SIPA1L1: variants seen among roughly 807,000 people sequenced by gnomAD.
The protein encoded by SIPA1L1 is signal-induced proliferation-associated 1-like protein 1.
In SIPA1L1, 26 loss-of-function variants were observed where a neutral mutation model predicts 162.7. The ratio of observed to expected loss-of-function variants is 0.16; its 90% CI spans 0.12 to 0.22. SIPA1L1 has a LOEUF of 0.22. Ranked by LOEUF, SIPA1L1 falls within the 10% of genes least tolerant of loss-of-function variation. The probability of loss-of-function intolerance (pLI) is 1.00; values close to 1 mark genes in which losing one functional copy is unlikely to be tolerated. For missense variants in SIPA1L1, 1,874 were observed against 2,241.0 expected (o/e 0.84, Z 3.31); for synonymous variants, 829 against 837.4 (o/e 0.99, Z 0.17).
At chr14:71,409,167 C>A (rs1285787681) in intron 2 of SIPA1L1, among the ~76,000 whole-genome samples, 1 of 152,128 alleles carries the variant, frequency 6.6e-6, no homozygotes, top group Non-Finnish European at 1.5e-5. Flanking sequence ...CCCATTTGGG[C>A]TCTGTAAAAA....
rs966454725 is a variant in SIPA1L1, at chr14:71,704,992, A to G, written c.3647-230A>G. On this transcript the variant is annotated intron_variant, in intron 15 of 23. Transcript: ENST00000381232. ...GCCTTTGGTTTGGTGGTACTTGGCTATGCTAATGTGTATGACGTGACAAGT... is the reference window on the plus strand; with the variant it reads ...GCCTTTGGTTTGGTGGTACTTGGCTGTGCTAATGTGTATGACGTGACAAGT... 1.3e-5 allele frequency: 8 copies of G among 616,544 alleles called. No homozygotes were observed. In the African/African-American group the frequency reaches 1.5e-4, roughly 11 times the overall value. 38.2% of individuals were successfully genotyped at this position (616,544 alleles called of 1,614,324 possible). A position where few individuals can be genotyped will look rare whatever the true frequency, so the allele number is the denominator to read the frequency against.
intron 5 of SIPA1L1, among the ~76,000 whole-genome samples, chr14:71,604,596 C>G (rs1216787710): frequency 6.6e-6 from 1 of 152,164 alleles, no homozygotes; most frequent in African/African-American, 2.4e-5. Flanking sequence ...TCAGCTTTTG[C>G]TTGTCTTGGA....
At chr14:71,402,798 A>G (rs577506692) in intron 2 of SIPA1L1, among the ~76,000 whole-genome samples, 1 of 152,196 alleles carries the variant, frequency 6.6e-6, no homozygotes, top group Non-Finnish European at 1.5e-5. Context: ...TATAAGGGAA[A>G]TTACTTAATT....
chr14:71,481,478 A>G (rs1369835765), intron 2 of SIPA1L1, among the ~76,000 whole-genome samples: 3 of 152,118 alleles, frequency 2.0e-5, no homozygotes, highest in African/African-American at 7.2e-5. Flanking sequence ...TGATAGCCAG[A>G]CCTTCTGTAA....
intron 4 of SIPA1L1, among the ~76,000 whole-genome samples, chr14:71,585,069 C>T (rs1596277902): frequency 6.7e-6 from 1 of 149,144 alleles, no homozygotes; most frequent in Non-Finnish European, 1.5e-5. Context: ...ATGTATATTT[C>T]CATATATGCT....
intron 4 of SIPA1L1, among the ~76,000 whole-genome samples, chr14:71,542,988 C>A (rs2054616794): frequency 6.6e-6 from 1 of 151,686 alleles, no homozygotes; most frequent in Non-Finnish European, 1.5e-5. Flanking sequence ...TTTACCAGTC[C>A]CTCTCTTCTC....
At chr14:71,447,538 A>T (rs1198251177) in intron 2 of SIPA1L1, among the ~76,000 whole-genome samples, 1 of 148,004 alleles carries the variant, frequency 6.8e-6, no homozygotes, top group African/African-American at 2.5e-5. Context: ...ACTTAATCTG[A>T]TTTTTTAAAA....
chr14:71,680,079 A>G (rs940065332), intron 12 of SIPA1L1, among the ~76,000 whole-genome samples: 6 of 152,252 alleles, frequency 3.9e-5, no homozygotes, highest in African/African-American at 1.4e-4. Flanking sequence ...GTGGGACCTA[A>G]TAGACATCTA....
At chr14:71,575,541 A>G (rs1343737791) in intron 4 of SIPA1L1, among the ~76,000 whole-genome samples, 4 of 152,184 alleles carry the variant, frequency 2.6e-5, no homozygotes, top group Non-Finnish European at 5.9e-5. Flanking sequence ...GATAAAAATT[A>G]TTTTGACCAT....
intron 2 of SIPA1L1, among the ~76,000 whole-genome samples, chr14:71,326,578 CTG>C (rs1288252737): frequency 2.0e-5 from 3 of 152,122 alleles, no homozygotes; most frequent in Non-Finnish European, 4.4e-5. Flanking sequence ...AAGCAAAGGG[CTG>C]TGTGCCAAAC....
In SIPA1L1 at chr14:71,414,944, G is replaced by A. The variant is rs145950435; in HGVS notation, c.-465+93763G>A. On this transcript the variant is annotated intron_variant, in intron 2 of 23. Coordinates refer to ENST00000381232, the MANE Select transcript of SIPA1L1 (RefSeq NM_001386936.1). ...CAGCTTAATGCAGATTAAGGGAGAC[G>A]TATTTTATACAGGCCAAAAATACTG... Among the ~76,000 whole-genome samples the A allele has an allele frequency of 3.1e-3, 468 of 152,300 alleles. 2 individuals carry two copies. The highest frequency in any genetic ancestry group is 0.01 in the Middle Eastern group (3 of 294).
chr14:71,733,593 C>A, intron 20 of SIPA1L1, 73 bp from the exon 21 acceptor site: 1 of 1,457,952 alleles, frequency 6.9e-7, no homozygotes, highest in Admixed American at 1.8e-5. Context: ...ATTGTGGTAA[C>A]AGGAAAGAGG....
chr14:71,588,447 T>A lies in SIPA1L1; in HGVS notation c.575T>A (p.Ile192Asn), dbSNP rs1165457893. The change falls in exon 5 of 24, where the codon ATC (isoleucine) becomes AAC (asparagine). Residue 192 changes from isoleucine to asparagine, a missense_variant. Physicochemically the swap from Ile to Asn is moderately radical, Grantham distance 149. Transcript: ENST00000381232. This position sits in a 1 kb window ranked among gnomAD's most constrained non-coding sequence, Gnocchi z 4.3. The part of the protein sequence containing the change: ...ELDVDSFDEC[I>N]SPTYKTGPSL... ...GATGTGGATAGCTTTGATGAATGTA[T>A]CTCACCTACATACAAGACTGGACCA... 6.2e-7 allele frequency: 1 copy of A among 1,614,032 alleles called. No homozygotes were observed. Among genetic ancestry groups the A allele is most frequent in the Non-Finnish European group, 8.5e-7 (1 of 1,179,904 alleles).
intron 2 of SIPA1L1, among the ~76,000 whole-genome samples, chr14:71,491,164 C>G (rs1383397325): frequency 6.6e-6 from 1 of 152,122 alleles, no homozygotes; most frequent in Non-Finnish European, 1.5e-5. Flanking sequence ...TGTCAACTAC[C>G]AGTTGATTTT....
At chr14:71,728,824 C>T (rs528183723) in intron 19 of SIPA1L1, among the ~76,000 whole-genome samples, 43 of 152,234 alleles carry the variant, frequency 2.8e-4, no homozygotes, top group Admixed American at 6.5e-4. Flanking sequence ...TTATTGTTCA[C>T]GGGTCAAATG....
chr14:71,666,698 G>A (rs986692512), intron 10 of SIPA1L1, among the ~76,000 whole-genome samples: 1 of 152,030 alleles, frequency 6.6e-6, no homozygotes, highest in Non-Finnish European at 1.5e-5. Context: ...AAAGGAATCT[G>A]TATGATATAG....
chr14:71,512,520 G>C (rs2051252674), intron 2 of SIPA1L1, among the ~76,000 whole-genome samples: 1 of 150,520 alleles, frequency 6.6e-6, no homozygotes, highest in South Asian at 2.1e-4. Flanking sequence ...CCAGGAGGCG[G>C]AGGTTACAGT....
chr14:71,322,956 C>T (rs1015088846), intron 2 of SIPA1L1, among the ~76,000 whole-genome samples: 2 of 152,190 alleles, frequency 1.3e-5, no homozygotes, highest in African/African-American at 4.8e-5. Flanking sequence ...GTTGTGATTT[C>T]ATTGGAGGAG....
intron 4 of SIPA1L1, among the ~76,000 whole-genome samples, chr14:71,568,873 C>T (rs551102242): frequency 9.7e-4 from 148 of 152,284 alleles, no homozygotes; most frequent in African/African-American, 3.5e-3. Flanking sequence ...GACAGTTCCT[C>T]TGGAGAGGCC....
Sources: gnomAD v4.1 joint callset for allele counts (sites outside exome capture counted in the v4.1 genomes callset) on GRCh38, gnomAD v4.1.1 for gene constraint, Gnocchi (gnomAD v3.1) non-coding constraint, MANE v1.5 for transcripts, NCBI Gene and HGNC (gene_info 2026-07-23, HGNC 2026-07-21) for gene names.